Variants in CBL observed in about 807,000 individuals in gnomAD.
The protein encoded by CBL is Cbl proto-oncogene.
In CBL, 45 loss-of-function variants were observed where a neutral mutation model predicts 96.9. The ratio of observed to expected loss-of-function variants is 0.46; its 90% CI spans 0.37 to 0.60. The LOEUF is 0.60. CBL is among the 20% of genes least tolerant of loss of function. The pLI is 0.00. For missense variants in CBL, 1,024 were observed against 1,143.5 expected (o/e 0.90, Z 1.51); for synonymous variants, 420 against 426.8 (o/e 0.98, Z 0.20).
At chr11:119,232,722 T>G in intron 2 of CBL, 27 bp downstream of exon 2, 1 of 1,608,966 alleles carries the variant, frequency 6.2e-7, no homozygotes, top group Non-Finnish European at 8.5e-7. Flanking sequence ...ACACAAATAA[T>G]TATGCAGGTC....
intron 2 of CBL, among the ~76,000 whole-genome samples, chr11:119,237,952 A>G (rs763640338): frequency 6.7e-6 from 1 of 150,074 alleles, no homozygotes. Context: ...GCTCACTGCA[A>G]CCTCTTCTTG....
intron 12 of CBL, among the ~76,000 whole-genome samples, chr11:119,293,875 C>G (rs1950046282): frequency 6.6e-6 from 1 of 152,196 alleles, no homozygotes; most frequent in African/African-American, 2.4e-5. Context: ...AACTAAGTTT[C>G]CAACATGTGA....
In CBL at chr11:119,232,660, A is replaced by G. The variant is rs145011318; in HGVS notation, c.408A>G (p.Gly136=). 30 of 1,613,704 alleles carry G rather than the reference A, an allele frequency of 1.9e-5. No individual in the cohort carries two copies. Among genetic ancestry groups the G allele is most frequent in the Non-Finnish European group, 2.5e-5 (29 of 1,179,822 alleles). ...AAACCATAAGCCTCTTCAAGGAGGGAAAAGAAAGAATGTATGAGGAGAATT... is the reference window on the plus strand; with the variant it reads ...AAACCATAAGCCTCTTCAAGGAGGGGAAAGAAAGAATGTATGAGGAGAATT... ...TKQTISLFKE[G]KERMYEENSQ... The change falls in exon 2 of 16, where the codon GGA becomes GGG. Residue 136 remains glycine (G), a synonymous_variant. Transcript: ENST00000264033.
chr11:119,235,682 G>T (rs1224063139), intron 2 of CBL, among the ~76,000 whole-genome samples: 1 of 152,162 alleles, frequency 6.6e-6, no homozygotes, highest in Non-Finnish European at 1.5e-5. Context: ...AAAAGTCTGT[G>T]TATAAGTGAA....
intron 2 of CBL, among the ~76,000 whole-genome samples, chr11:119,256,616 A>G (rs1193711307): frequency 6.6e-6 from 1 of 151,234 alleles, no homozygotes; most frequent in African/African-American, 2.4e-5. Flanking sequence ...TGAATGAATT[A>G]TATAGTGAAG....
chr11:119,287,312 C>T (rs867400200), intron 11 of CBL, among the ~76,000 whole-genome samples: 2 of 152,190 alleles, frequency 1.3e-5, no homozygotes, highest in Non-Finnish European at 2.9e-5. Flanking sequence ...CTGACTGTTG[C>T]ATTTGAAATG....
chr11:119,245,128 T>C (rs1949615902), intron 2 of CBL, among the ~76,000 whole-genome samples: 1 of 150,942 alleles, frequency 6.6e-6, no homozygotes, highest in Non-Finnish European at 1.5e-5. Context: ...CACCTTGGAC[T>C]CCGAAAGTGC....
intron 11 of CBL, among the ~76,000 whole-genome samples, chr11:119,286,097 G>A (rs1203837391): frequency 6.6e-6 from 1 of 152,082 alleles, no homozygotes; most frequent in Non-Finnish European, 1.5e-5. Context: ...TCAGGAGTTT[G>A]AGACCACCCT....
chr11:119,271,713 A>G, intron 2 of CBL, 22 bp from the exon 3 acceptor site: 1 of 1,607,286 alleles, frequency 6.2e-7, no homozygotes, highest in Non-Finnish European at 8.5e-7. Flanking sequence ...GTGTTTAATT[A>G]TTGCATTCTG....
At position 119,271,775 on chromosome 11, in the gene CBL, C is replaced by G; in HGVS notation, c.484C>G (p.Leu162Val). 16 of 1,613,644 alleles carry G rather than the reference C, an allele frequency of 9.9e-6. No individual in the cohort carries two copies. The highest frequency in any genetic ancestry group is 1.3e-5 in the Non-Finnish European group (15 of 1,179,568). The stretch of plus-strand genomic sequence containing the variant: ...ACTGTCCCTCATCTTCAGCCACATG[C>G]TGGCAGAACTAAAAGGAATCTTTCC... ...TKLSLIFSHM[L>V]AELKGIFPSG... Residue 162 changes from leucine to valine, a missense_variant, in exon 3 of 16, where the codon CTG (leucine) becomes GTG (valine). Leu to Val is a conservative substitution (Grantham distance 32). This residue lies in a region of CBL where 192 missense variants were observed against 321.8 expected (regional missense o/e 0.60). Coordinates refer to ENST00000264033, the MANE Select transcript of CBL (RefSeq NM_005188.4).
intron 2 of CBL, among the ~76,000 whole-genome samples, chr11:119,247,195 C>A (rs1253783195): frequency 2.0e-5 from 3 of 152,120 alleles, no homozygotes; most frequent in African/African-American, 7.2e-5. Context: ...AATGATGTTC[C>A]ATACCGTACA....
At chr11:119,267,929 C>G (rs546752667) in intron 2 of CBL, among the ~76,000 whole-genome samples, 1 of 152,316 alleles carries the variant, frequency 6.6e-6, no homozygotes, top group South Asian at 2.1e-4. Flanking sequence ...TTTATTATGT[C>G]TAGCTGGCTC....
chr11:119,229,666 G>A (rs1039491358), intron 1 of CBL, among the ~76,000 whole-genome samples: 6 of 151,416 alleles, frequency 4.0e-5, no homozygotes, highest in Non-Finnish European at 8.8e-5. Flanking sequence ...TTCAAGAAAT[G>A]TTGTATTGAG....
rs1950107824 is a variant in CBL, at chr11:119,302,419, T to C, written c.*2638T>C. ...TCTTCACCCTCCATTTGTATGGCAA[T>C]TTAAAAGTCTTTGGCTTTGCTCTGA... On this transcript the variant is annotated 3_prime_UTR_variant, in exon 16 of 16. Transcript: ENST00000264033. 4.3e-6 allele frequency: 1 copy of C among 232,924 alleles called. No homozygotes were observed. The highest frequency in any genetic ancestry group is 2.2e-5 in the African/African-American group (1 of 45,338). The allele number at this position is 232,924 out of a possible 1,614,324, so 14.4% of individuals were successfully genotyped here.
intron 2 of CBL, among the ~76,000 whole-genome samples, chr11:119,237,761 G>C (rs1592379789): frequency 6.6e-6 from 1 of 152,162 alleles, no homozygotes; most frequent in African/African-American, 2.4e-5. Flanking sequence ...CTTAATGCTA[G>C]TACCACACCA....
At chr11:119,253,206 A>G (rs1298755690) in intron 2 of CBL, among the ~76,000 whole-genome samples, 1 of 152,184 alleles carries the variant, frequency 6.6e-6, no homozygotes, top group East Asian at 1.9e-4. Flanking sequence ...GTACCCCATG[A>G]ATATAGACAA....
intron 2 of CBL, among the ~76,000 whole-genome samples, chr11:119,267,922 A>G (rs1949816125): frequency 6.6e-6 from 1 of 152,236 alleles, no homozygotes; most frequent in Non-Finnish European, 1.5e-5. Flanking sequence ...TGAGCATTTT[A>G]TTATGTCTAG....
chr11:119,275,206 C>T (rs889956810), intron 5 of CBL, among the ~76,000 whole-genome samples: 13 of 152,104 alleles, frequency 8.5e-5, no homozygotes, highest in Admixed American at 7.2e-4. Flanking sequence ...TTTGGGAGGC[C>T]GAGGCGGGCA....
At chr11:119,278,797 C>A in intron 9 of CBL, 84 bp downstream of exon 9, 1 of 966,696 alleles carries the variant, frequency 1.0e-6, no homozygotes, top group Non-Finnish European at 1.7e-6. Flanking sequence ...ATCCAAACTA[C>A]AATGATAGGT....
Sources: gnomAD v4.1 joint callset for allele counts (sites outside exome capture counted in the v4.1 genomes callset) on GRCh38, gnomAD v4.1.1 for gene constraint, gnomAD v4.1.1 regional missense constraint, MANE v1.5 for transcripts, NCBI Gene and HGNC (gene_info 2026-07-23, HGNC 2026-07-21) for gene names.